IL1R1: variants seen among roughly 807,000 people sequenced by gnomAD.
The protein encoded by IL1R1 is interleukin 1 receptor type 1, also known as interleukin-1 receptor type 1.
A neutral mutation model predicts 50.2 loss-of-function variants in IL1R1; 22 were observed. The ratio of observed to expected loss-of-function variants is 0.44; its 90% CI spans 0.31 to 0.63. IL1R1 has a LOEUF of 0.63. Among genes scored for constraint, IL1R1 ranks in the 20% least tolerant of loss-of-function variants. The probability of loss-of-function intolerance (pLI) is 0.07; values close to 1 mark genes in which losing one functional copy is unlikely to be tolerated. For missense variants in IL1R1, 509 were observed against 676.2 expected (o/e 0.75, Z 2.74); for synonymous variants, 251 against 236.7 (o/e 1.06, Z -0.55).
intron 1 of IL1R1, among the ~76,000 whole-genome samples, chr2:102,127,810 G>A (rs548380737): frequency 6.6e-6 from 1 of 152,172 alleles, no homozygotes; most frequent in South Asian, 2.1e-4. Context: ...AAGCCATACT[G>A]CAATTATCAG....
chr2:102,152,686 G>T (rs982483493), intron 1 of IL1R1, among the ~76,000 whole-genome samples: 7 of 151,704 alleles, frequency 4.6e-5, no homozygotes, highest in Non-Finnish European at 1.0e-4. Context: ...TTTCATATCT[G>T]GGGCATACTC....
chr2:102,150,624 G>A (rs1389911272), intron 1 of IL1R1, among the ~76,000 whole-genome samples: 1 of 152,224 alleles, frequency 6.6e-6, no homozygotes. Flanking sequence ...TATTTGGGAA[G>A]ATCTTCACAA....
upstream of IL1R1, among the ~76,000 whole-genome samples, chr2:102,140,947 C>T (rs59339921): frequency 8.1e-3 from 1,228 of 152,264 alleles, 23 homozygotes; most frequent in African/African-American, 0.026. Flanking sequence ...AGTGGCTGAA[C>T]GGGGACAACA....
chr2:102,116,184 T>G (rs1681061681), intron 1 of IL1R1, among the ~76,000 whole-genome samples: 1 of 152,192 alleles, frequency 6.6e-6, no homozygotes, highest in South Asian at 2.1e-4. Flanking sequence ...TTTCGACATC[T>G]CTCCATTTCT....
chr2:102,111,336 T>C (rs1861285), intron 1 of IL1R1, among the ~76,000 whole-genome samples: 92,856 of 151,920 alleles, frequency 0.61, 28,926 homozygotes, highest in African/African-American at 0.7. Context: ...GTGGGGCCGC[T>C]GCTGCACATA....
chr2:102,136,906 C>G (rs1432032940), intron 1 of IL1R1, among the ~76,000 whole-genome samples: 1 of 152,194 alleles, frequency 6.6e-6, no homozygotes, highest in Admixed American at 6.5e-5. Flanking sequence ...TGGAGACTTA[C>G]CTCTCATGGG....
intron 1 of IL1R1, among the ~76,000 whole-genome samples, chr2:102,150,899 G>A (rs1052074911): frequency 1.3e-5 from 2 of 152,246 alleles, no homozygotes; most frequent in African/African-American, 2.4e-5. Flanking sequence ...CGTATGCTAT[G>A]GCTTATTAAT....
At chr2:102,105,214 G>A (rs1037058110) in intron 1 of IL1R1, among the ~76,000 whole-genome samples, 1 of 152,166 alleles carries the variant, frequency 6.6e-6, no homozygotes, top group Non-Finnish European at 1.5e-5. Context: ...GGTGAGAGAT[G>A]TTAAGTGAAA....
At chr2:102,070,700 A>G (rs1678677404) in intron 1 of IL1R1, among the ~76,000 whole-genome samples, 1 of 152,160 alleles carries the variant, frequency 6.6e-6, no homozygotes, top group South Asian at 2.1e-4. Flanking sequence ...CCAAGCAAAA[A>G]TAAATTTCCA....
chr2:102,123,348 T>C (rs770831104), intron 1 of IL1R1, among the ~76,000 whole-genome samples: 1 of 152,248 alleles, frequency 6.6e-6, no homozygotes, highest in South Asian at 2.1e-4. Context: ...TTTAGCTTTT[T>C]TTTGGAATGA....
chr2:102,072,237 G>A (rs1559446828), intron 1 of IL1R1, among the ~76,000 whole-genome samples: 1 of 150,364 alleles, frequency 6.7e-6, no homozygotes, highest in Non-Finnish European at 1.5e-5. Flanking sequence ...TCCAGCCTGG[G>A]TGACAGAGCA....
chr2:102,072,163 A>G (rs557181202), intron 1 of IL1R1, among the ~76,000 whole-genome samples: 80 of 151,828 alleles, frequency 5.3e-4, no homozygotes, highest in Non-Finnish European at 9.3e-4. Context: ...GGGAGGCTGA[A>G]GCAGGAGAAC....
At chr2:102,117,671 G>A (rs892609107) in intron 1 of IL1R1, among the ~76,000 whole-genome samples, 1 of 152,164 alleles carries the variant, frequency 6.6e-6, no homozygotes, top group African/African-American at 2.4e-5. Flanking sequence ...GGCTTGTTTA[G>A]ATGTGGTCCA....
chr2:102,169,260 T>C (rs2104601135), intron 7 of IL1R1, among the ~76,000 whole-genome samples: 1 of 152,296 alleles, frequency 6.6e-6, no homozygotes, highest in East Asian at 1.9e-4. Flanking sequence ...TCCAAGTTAG[T>C]GAACATTTTT....
chr2:102,098,834 A>G (rs1680014191), intron 1 of IL1R1, among the ~76,000 whole-genome samples: 1 of 152,182 alleles, frequency 6.6e-6, no homozygotes, highest in African/African-American at 2.4e-5. Context: ...TATTTTTAAA[A>G]TTTGTACTAA....
chr2:102,156,457 C>CT (rs928581556), intron 2 of IL1R1, among the ~76,000 whole-genome samples: 33 of 150,728 alleles, frequency 2.2e-4, no homozygotes, highest in African/African-American at 7.3e-4. Flanking sequence ...GTTAGAAAAT[C>CT]TTTTTTTTTC....
intron 1 of IL1R1, among the ~76,000 whole-genome samples, chr2:102,137,688 G>A (rs1682422340): frequency 6.6e-6 from 1 of 152,176 alleles, no homozygotes; most frequent in Non-Finnish European, 1.5e-5. Context: ...TATTCTATTG[G>A]TTGAAATTGT....
At chr2:102,103,108 C>T (rs1475315930), upstream of IL1R1, among the ~76,000 whole-genome samples, 1 of 152,032 alleles carries the variant, frequency 6.6e-6, no homozygotes, top group South Asian at 2.1e-4. Context: ...CACAATTTGC[C>T]TATATAACAG....
At chr2:102,135,506 T>C (rs1418558414) in intron 1 of IL1R1, among the ~76,000 whole-genome samples, 1 of 152,232 alleles carries the variant, frequency 6.6e-6, no homozygotes, top group East Asian at 1.9e-4. Context: ...AATTATAATG[T>C]TATTCAAACT....
Sources: gnomAD v4.1 joint callset for allele counts (sites outside exome capture counted in the v4.1 genomes callset) on GRCh38, gnomAD v4.1.1 for gene constraint, MANE v1.5 for transcripts, NCBI Gene and HGNC (gene_info 2026-07-23, HGNC 2026-07-21) for gene names.